The following PAWR variants were observed in gnomAD, a reference collection of about 807,000 sequenced individuals.
PAWR encodes the protein PRKC apoptosis WT1 regulator protein.
PAWR carries 23 observed loss-of-function variants against 32.0 expected under a neutral mutation model. That is an observed-to-expected ratio of 0.72 (90% CI 0.52 to 1.02). The LOEUF is 1.02. Ranked by LOEUF, PAWR falls within the 50% of genes least tolerant of loss-of-function variation. The probability of loss-of-function intolerance (pLI) is 0.00; values close to 1 mark genes in which losing one functional copy is unlikely to be tolerated. For synonymous variants in PAWR, 226 were observed against 187.1 expected (o/e 1.21, Z -1.70); for missense variants, 457 against 437.7 (o/e 1.04, Z -0.39).
intron 4 of PAWR, among the ~76,000 whole-genome samples, chr12:79,606,252 A>G (rs998125509): frequency 6.6e-6 from 1 of 152,190 alleles, no homozygotes; most frequent in Non-Finnish European, 1.5e-5. Flanking sequence ...AGGGTAGAAC[A>G]ATTTTGGAAC....
At chr12:79,649,396 A>G (rs1183914584) in intron 2 of PAWR, among the ~76,000 whole-genome samples, 1 of 152,110 alleles carries the variant, frequency 6.6e-6, no homozygotes, top group African/African-American at 2.4e-5. Context: ...ACAAAAACAT[A>G]TATGTCAAGG....
chr12:79,607,957 G>A (rs1296489819), intron 4 of PAWR, among the ~76,000 whole-genome samples: 1 of 151,350 alleles, frequency 6.6e-6, no homozygotes, highest in Admixed American at 6.6e-5. Context: ...CCTGAGGCAG[G>A]AGAATCACTT....
intron 2 of PAWR, among the ~76,000 whole-genome samples, chr12:79,667,532 G>T (rs991055514): frequency 6.6e-6 from 1 of 152,142 alleles, no homozygotes; most frequent in African/African-American, 2.4e-5. Flanking sequence ...CAGGAAGAAT[G>T]TAAAGATTAC....
At chr12:79,593,205 A>G (rs1373947724) in intron 6 of PAWR, among the ~76,000 whole-genome samples, 1 of 152,154 alleles carries the variant, frequency 6.6e-6, no homozygotes, top group Non-Finnish European at 1.5e-5. Flanking sequence ...GAGGTGACAA[A>G]ACTGAGGCCT....
chr12:79,604,485 T>C (rs1592494474), intron 4 of PAWR: 1 of 1,092,968 alleles, frequency 9.1e-7, no homozygotes, highest in Non-Finnish European at 1.1e-6. Flanking sequence ...TCCACTAAAA[T>C]AGACATTATA....
chr12:79,590,938 T>C lies in PAWR; in HGVS notation c.*1669A>G, dbSNP rs1212832672. ...ACTGCCCTGGAGACCGGGTTAATTATTAAATAAACTAAAAGGGGAGAAATG... is the reference window on the plus strand; with the variant it reads ...ACTGCCCTGGAGACCGGGTTAATTACTAAATAAACTAAAAGGGGAGAAATG... On this transcript the variant is annotated 3_prime_UTR_variant, in exon 7 of 7. Coordinates refer to ENST00000328827, the MANE Select transcript of PAWR (RefSeq NM_002583.4). The C allele has an allele frequency of 6.6e-6, 1 of 152,216 alleles. No individual in the cohort carries two copies. The highest frequency in any genetic ancestry group is 6.5e-5 in the Admixed American group (1 of 15,276). 9.4% of individuals were successfully genotyped at this position (152,216 alleles called of 1,614,324 possible).
chr12:79,589,469 A>C lies in PAWR; in HGVS notation c.*3138T>G, dbSNP rs1873482928. 1.3e-5 allele frequency: 2 copies of C among 152,002 alleles called. No homozygotes were observed. The highest frequency in any genetic ancestry group is 4.1e-4 in the South Asian group (2 of 4,826). The allele number at this position is 152,002 out of a possible 1,614,324, so 9.4% of individuals were successfully genotyped here. A position where few individuals can be genotyped will look rare whatever the true frequency, so the allele number is the denominator to read the frequency against. On this transcript the variant is annotated 3_prime_UTR_variant, in exon 7 of 7. Transcript: ENST00000328827. ...TCTACCACAATTAAAAATTTTTTAA[A>C]CTGAAGAAAAAAAAAAACTACATTG...
At position 79,690,258 on chromosome 12, in the gene PAWR, C is replaced by G; in HGVS notation, c.-14G>C. ...ACCGGTCGCCATATTCCCAAAGGGG[C>G]CGGTCGGGCTCTCACCTCAGGCCGC... On this transcript the variant is annotated 5_prime_UTR_variant, in exon 2 of 7. Transcript: ENST00000328827. The G allele has an allele frequency of 6.7e-7, 1 of 1,490,782 alleles. No homozygotes were observed. Among genetic ancestry groups the G allele is most frequent in the Non-Finnish European group, 8.9e-7 (1 of 1,124,866 alleles). 92.3% of individuals were successfully genotyped at this position (1,490,782 alleles called of 1,614,324 possible).
chr12:79,661,126 G>A (rs1050146114), intron 2 of PAWR, among the ~76,000 whole-genome samples: 1 of 151,386 alleles, frequency 6.6e-6, no homozygotes, highest in Non-Finnish European at 1.5e-5. Flanking sequence ...AAATTAGCCT[G>A]TAATCCCAGC....
At chr12:79,647,082 G>T (rs1876609704) in intron 2 of PAWR, among the ~76,000 whole-genome samples, 1 of 149,768 alleles carries the variant, frequency 6.7e-6, no homozygotes, top group South Asian at 2.1e-4. Flanking sequence ...GGCTGAGGCA[G>T]AAGAATCGCT....
intron 2 of PAWR, among the ~76,000 whole-genome samples, chr12:79,625,813 C>CCATCTTAAAAAGATCGGAAGAGCGTCG (rs1156436814): frequency 6.6e-6 from 1 of 150,494 alleles, no homozygotes. Context: ...GAGTGAGACT[C>CCATCTTAAAAAGATCGGAAGAGCGTCG]TGTCTCAAAA....
At chr12:79,613,552 G>GT (rs1327396174) in intron 4 of PAWR, 23 bp downstream of exon 4, 10 of 1,356,252 alleles carry the variant, frequency 7.4e-6, no homozygotes, top group African/African-American at 1.4e-5. Context: ...TCTACAATAT[G>GT]TTTAAGTCAT....
At chr12:79,641,668 GAA>G (rs1220936338) in intron 2 of PAWR, among the ~76,000 whole-genome samples, 1 of 151,758 alleles carries the variant, frequency 6.6e-6, no homozygotes, top group Non-Finnish European at 1.5e-5. Context: ...CCAACATGGT[GAA>G]ACCCTGTCTC....
intron 2 of PAWR, among the ~76,000 whole-genome samples, chr12:79,671,727 T>C (rs1342604322): frequency 2.0e-5 from 3 of 151,730 alleles, no homozygotes; most frequent in African/African-American, 7.3e-5. Context: ...GCCTAGCATA[T>C]ACTCAAAATG....
chr12:79,670,159 T>A (rs560402696), intron 2 of PAWR, among the ~76,000 whole-genome samples: 1 of 152,230 alleles, frequency 6.6e-6, no homozygotes, highest in Non-Finnish European at 1.5e-5. Flanking sequence ...CATGTTTCTA[T>A]TGTTTTTCCC....
chr12:79,628,880 A>T (rs1875471909), intron 2 of PAWR, among the ~76,000 whole-genome samples: 6 of 152,236 alleles, frequency 3.9e-5, no homozygotes, highest in Middle Eastern at 6.8e-3. Context: ...CAGGAAATAA[A>T]AGTATACCAG....
chr12:79,587,289 T>C lies in PAWR; in HGVS notation c.*5318A>G, dbSNP rs1252988579. The C allele has an allele frequency of 6.6e-6, 1 of 152,010 alleles. No homozygotes were observed. The highest frequency in any genetic ancestry group is 1.9e-4 in the East Asian group (1 of 5,190). 9.4% of individuals were successfully genotyped at this position (152,010 alleles called of 1,614,324 possible). A position where few individuals can be genotyped will look rare whatever the true frequency, so the allele number is the denominator to read the frequency against. On this transcript the variant is annotated 3_prime_UTR_variant, in exon 7 of 7. Transcript: ENST00000328827. ...ATGACATTACTGAGAAGATTTAGAG[T>C]TCTAGAAGTAGAGAAGACTGATTAG...
chr12:79,682,057 CTTTT>C (rs1878472779), intron 2 of PAWR, among the ~76,000 whole-genome samples: 1 of 152,134 alleles, frequency 6.6e-6, no homozygotes, highest in South Asian at 2.1e-4. Flanking sequence ...TGAAAGATGT[CTTTT>C]TAAGTTAATT....
intron 3 of PAWR, 28 bp downstream of exon 3, chr12:79,621,048 T>C (rs754441133): frequency 1.3e-6 from 2 of 1,554,168 alleles, no homozygotes; most frequent in Admixed American, 1.9e-5. Context: ...AAATAGATAG[T>C]GACTTCCTGG....
Sources: allele counts gnomAD v4.1 joint callset (sites outside exome capture counted in the v4.1 genomes callset), GRCh38; gene constraint gnomAD v4.1.1; transcripts MANE v1.5; gene names NCBI Gene and HGNC (gene_info 2026-07-23, HGNC 2026-07-21).